Variants in NLGN3 observed in about 807,000 individuals in gnomAD.
NLGN3 encodes the protein neuroligin 3.
NLGN3 carries 11 observed loss-of-function variants against 42.9 expected under a neutral mutation model. The ratio of observed to expected loss-of-function variants is 0.26; its 90% CI spans 0.16 to 0.42. NLGN3 has a LOEUF of 0.42. Ranked by LOEUF, NLGN3 falls within the 10% of genes least tolerant of loss-of-function variation. The pLI is 1.00. For missense variants in NLGN3, 374 were observed against 733.8 expected, an observed-to-expected ratio of 0.51 and a Z score of 5.67; for synonymous variants, 279 against 312.7, an observed-to-expected ratio of 0.89 and a Z score of 1.14.
intron 5 of NLGN3, among the ~76,000 whole-genome samples, chrX:71,158,380 C>T (rs1027664869): frequency 8.9e-6 from 1 of 112,153 alleles, no homozygotes; most frequent in Non-Finnish European, 1.9e-5. Context: ...CCACCGCGCC[C>T]GGCTGGGCTG....
intron 2 of NLGN3, among the ~76,000 whole-genome samples, chrX:71,148,470 A>G (rs1388417694): frequency 9.1e-6 from 1 of 109,674 alleles, no homozygotes; most frequent in East Asian, 2.9e-4. Flanking sequence ...CCAGTGCTGG[A>G]TGGGGGTCCC....
intron 1 of NLGN3, among the ~76,000 whole-genome samples, chrX:71,147,307 G>A (rs2092374399): frequency 8.9e-6 from 1 of 112,043 alleles, no homozygotes; most frequent in African/African-American, 3.2e-5. Flanking sequence ...GTTGGGCACC[G>A]GGAACTTGCA....
Position 71,170,903 on chromosome X carries a change from T to C in NLGN3, c.*806T>C. ...TTGGCCTGGCCAGACCAGGTGACCT[T>C]AGATTTGGTGAACAACGTACTATGG... On this transcript the variant is annotated 3_prime_UTR_variant, in exon 8 of 8. Coordinates refer to ENST00000358741, the MANE Select transcript of NLGN3 (RefSeq NM_181303.2). 4.0e-6 allele frequency: 3 copies of C among 754,733 alleles called. No individual in the cohort carries two copies. Among genetic ancestry groups the C allele is most frequent in the Non-Finnish European group, 4.7e-6 (3 of 639,494 alleles). 62.2% of individuals were successfully genotyped at this position (754,733 alleles called of 1,213,427 possible).
At chrX:71,164,088 C>T (rs1425188267) in intron 5 of NLGN3, 55 bp from the exon 6 acceptor site, 2 of 1,150,793 alleles carry the variant, frequency 1.7e-6, no homozygotes, top group Non-Finnish European at 2.4e-6. Flanking sequence ...GCCGTCATCA[C>T]CCAAATCCTC....
downstream of NLGN3, among the ~76,000 whole-genome samples, chrX:71,172,379 G>A (rs1201829125): frequency 9.0e-6 from 1 of 111,060 alleles, no homozygotes; most frequent in Non-Finnish European, 1.9e-5. Flanking sequence ...TTATAGTTGA[G>A]GAAATGGGCC....
intron 3 of NLGN3, among the ~76,000 whole-genome samples, chrX:71,152,637 T>A (rs2092395167): frequency 9.0e-6 from 1 of 111,493 alleles, no homozygotes; most frequent in Admixed American, 9.5e-5. Flanking sequence ...AGAAGCAGAG[T>A]GTCTGGCACA....
rs980426699 is a variant in NLGN3, at chrX:71,170,758, A to G, written c.*661A>G. 2.6e-6 allele frequency: 2 copies of G among 758,311 alleles called. No individual in the cohort carries two copies. Among genetic ancestry groups the G allele is most frequent in the African/African-American group, 4.6e-5 (2 of 43,236 alleles). The allele number at this position is 758,311 out of a possible 1,213,427, so 62.5% of individuals were successfully genotyped here. ...AGCAAGACCATGGGGTGGAAGGAGA[A>G]AGGGGCTAGCACTGGATGGAGCTGG... is the stretch of plus-strand genomic sequence containing the variant. On this transcript the variant is annotated 3_prime_UTR_variant, in exon 8 of 8. Coordinates refer to ENST00000358741, the MANE Select transcript of NLGN3 (RefSeq NM_181303.2).
chrX:71,159,983 T>C (rs1307824548), intron 5 of NLGN3, among the ~76,000 whole-genome samples: 1 of 96,268 alleles, frequency 1.0e-5, no homozygotes, highest in Non-Finnish European at 2.0e-5. Context: ...TGATCCGCCC[T>C]CCTCAGCCTT....
intron 4 of NLGN3, 25 bp from the exon 5 acceptor site, chrX:71,155,189 T>G: frequency 8.3e-7 from 1 of 1,210,945 alleles, no homozygotes. Flanking sequence ...CCACCCAGCC[T>G]GTGTCTCACC....
At chrX:71,171,941 G>A (rs1335379925), downstream of NLGN3, among the ~76,000 whole-genome samples, 1 of 111,447 alleles carries the variant, frequency 9.0e-6, no homozygotes, top group Non-Finnish European at 1.9e-5. Context: ...GGGTGGGGTT[G>A]CTGATACCTC....
intron 7 of NLGN3, among the ~76,000 whole-genome samples, chrX:71,168,701 G>A (rs1298235293): frequency 3.3e-5 from 3 of 92,121 alleles, no homozygotes; most frequent in Non-Finnish European, 4.2e-5. Context: ...CAGCCTGTGC[G>A]ACAGAGCGAG....
chrX:71,170,358 G>A lies in NLGN3; in HGVS notation c.*261G>A. The stretch of plus-strand genomic sequence containing the variant: ...CGCAGATGAGTCCTCGGTAAACCGA[G>A]GACCCATGAAACAGCAGCTGAAGCC... On this transcript the variant is annotated 3_prime_UTR_variant, in exon 8 of 8. Transcript: ENST00000358741. 9.8e-7 allele frequency: 1 copy of A among 1,018,620 alleles called. No individual in the cohort carries two copies. 83.9% of individuals were successfully genotyped at this position (1,018,620 alleles called of 1,213,427 possible).
At chrX:71,167,848 C>T in intron 7 of NLGN3, 48 bp downstream of exon 7, 1 of 1,031,714 alleles carries the variant, frequency 9.7e-7, no homozygotes, top group Non-Finnish European at 1.4e-6. Context: ...CCAGCATGCC[C>T]TCCCCTCTGC....
chrX:71,174,357 G>A (rs189344770), downstream of NLGN3, among the ~76,000 whole-genome samples: 51 of 111,723 alleles, frequency 4.6e-4, no homozygotes, highest in African/African-American at 1.5e-3. Context: ...CATGAAGAAG[G>A]GAAGAGATAC....
chrX:71,167,496 CCT>C lies in NLGN3; in HGVS notation c.1400_1401del (p.Pro467ArgfsTer5). On this transcript the variant is annotated frameshift_variant, in exon 7 of 8. Transcript: ENST00000358741. LOFTEE classifies it high-confidence loss of function. ...MYTDWADRDNPETRRKTLVAL... is the reference protein window; with the variant it reads ...MYTDWADRDNXETRRKTLVAL... Reference sequence around the variant, plus strand: ...TACAGACTGGGCAGACCGTGACAACCCTGAGACCCGCCGTAAAACACTGGTGG... The same window carrying C: ...TACAGACTGGGCAGACCGTGACAACCGAGACCCGCCGTAAAACACTGGTGG... 1 of 1,211,192 alleles carries C rather than the reference CCT, an allele frequency of 8.3e-7. No homozygotes were observed. Among genetic ancestry groups the C allele is most frequent in the Non-Finnish European group, 1.1e-6 (1 of 895,288 alleles).
chrX:71,147,848 G>C lies in NLGN3; in HGVS notation c.99G>C (p.Leu33=). The change falls in exon 2 of 8, where the codon CTG becomes CTC. Residue 33 remains leucine, a synonymous_variant. Coordinates refer to ENST00000358741, the MANE Select transcript of NLGN3 (RefSeq NM_181303.2). The part of the protein sequence containing the change: ...CLTLWFLSLA[L]RASTQAPAPT... ...CCCTGTGGTTCCTCAGTTTGGCGCT[G>C]AGGGCCAGTACCCAGGCCCCAGCAC... The C allele has an allele frequency of 1.7e-6, 2 of 1,208,478 alleles. No homozygotes were observed. The highest frequency in any genetic ancestry group is 3.5e-5 in the South Asian group (2 of 56,369).
In NLGN3 at chrX:71,167,629, A is replaced by G; in HGVS notation, c.1532A>G (p.Gln511Arg). 1 of 1,211,272 alleles carries G rather than the reference A, an allele frequency of 8.3e-7. No individual in the cohort carries two copies. The highest frequency in any genetic ancestry group is 1.1e-6 in the Non-Finnish European group (1 of 895,387). Residue 511 changes from glutamine (Q) to arginine (R), a missense_variant, in exon 7 of 8, where the codon CAG (glutamine) becomes CGG (arginine). This residue lies in a region of NLGN3 where 142 missense variants were observed against 359.1 expected (regional missense o/e 0.40). Transcript: ENST00000358741. The stretch of plus-strand genomic sequence containing the variant: ...TTCTACGCCTTCTATCATCACTGCC[A>G]GAGCCTCATGAAGCCTGCTTGGTCA... ...TYFYAFYHHC[Q>R]SLMKPAWSDA...
chrX:71,149,696 C>T (rs1444916517), intron 3 of NLGN3, among the ~76,000 whole-genome samples: 1 of 111,409 alleles, frequency 9.0e-6, no homozygotes, highest in Admixed American at 9.5e-5. Flanking sequence ...GAGTGACTTG[C>T]TGCTGCTCAA....
intron 1 of NLGN3, among the ~76,000 whole-genome samples, chrX:71,146,164 C>G (rs867877352): frequency 2.1e-5 from 1 of 48,012 alleles, no homozygotes; most frequent in African/African-American, 1.1e-4. Context: ...CACACACACA[C>G]ACACACAGAC....
Sources: allele counts gnomAD v4.1 joint callset (sites outside exome capture counted in the v4.1 genomes callset), GRCh38; gene constraint gnomAD v4.1.1; regional missense constraint gnomAD v4.1.1; transcripts MANE v1.5; gene names NCBI Gene and HGNC (gene_info 2026-07-23, HGNC 2026-07-21).